The following CCDC134 variants were observed in gnomAD, a reference collection of about 807,000 sequenced individuals.
The protein encoded by CCDC134 is coiled-coil domain containing 134.
A neutral mutation model predicts 25.6 loss-of-function variants in CCDC134; 27 were observed. That is an observed-to-expected ratio of 1.05 (90% confidence interval 0.78 to 1.45). The LOEUF is 1.45. Ranked by LOEUF, CCDC134 falls within the 40% of genes most tolerant of loss-of-function variation. The pLI, the probability that CCDC134 is intolerant of heterozygous loss-of-function variation, is 0.00. For missense variants in CCDC134, 261 were observed against 286.7 expected (o/e 0.91, Z 0.65); for synonymous variants, 110 against 115.0 (o/e 0.96, Z 0.28).
intron 6 of CCDC134, among the ~76,000 whole-genome samples, chr22:41,820,070 A>C (rs2076643471): frequency 6.9e-6 from 1 of 144,786 alleles, no homozygotes; most frequent in Non-Finnish European, 1.5e-5. Context: ...ATCTTGGCTC[A>C]CTGCAAGCTC....
At position 41,809,897 on chromosome 22, in the gene CCDC134, T is replaced by C; in HGVS notation, c.122T>C (p.Val41Ala). Residue 41 changes from valine (V) to alanine (A), a missense_variant, in exon 3 of 7, where the codon GTG becomes GCG. Physicochemically the swap from Val to Ala is moderately conservative, Grantham distance 64. Transcript: ENST00000255784. ...TGCCCAGACAAGAAGATGTTTGAGG[T>C]GAAGCGGCGGGAGCAGCTGTTGGCA... ...SLEIYKKMFE[V>A]KRREQLLALK... 5.0e-6 allele frequency: 8 copies of C among 1,614,130 alleles called. No individual in the cohort carries two copies. The highest frequency in any genetic ancestry group is 6.8e-6 in the Non-Finnish European group (8 of 1,180,022).
intron 1 of CCDC134, among the ~76,000 whole-genome samples, chr22:41,803,155 G>A (rs113607280): frequency 2.0e-5 from 3 of 152,058 alleles, no homozygotes; most frequent in African/African-American, 4.8e-5. Flanking sequence ...GGGAGTGTGC[G>A]GGAGTCAGTT....
intron 1 of CCDC134, among the ~76,000 whole-genome samples, chr22:41,806,000 A>G (rs1472146201): frequency 6.6e-6 from 1 of 152,182 alleles, no homozygotes; most frequent in Non-Finnish European, 1.5e-5. Flanking sequence ...TAGAGATTTC[A>G]GGAATTCATC....
Position 41,825,734 on chromosome 22 carries a change from A to T in CCDC134, c.601A>T (p.Arg201Ter). 1 of 1,614,112 alleles carries T rather than the reference A, an allele frequency of 6.2e-7. No homozygotes were observed. The highest frequency in any genetic ancestry group is 1.1e-5 in the South Asian group (1 of 91,080). ...CACTGACCCTTTCCAGAAGGCCCTG[A>T]GAGAAGAAGAGAAACGCCGAAAGAA... ...PSTDPFQKAL[R>*]EEEKRRKKEE... The change falls in exon 7 of 7, where the codon AGA becomes TGA. Residue 201 changes from arginine (R) to a stop codon, truncating the protein, a stop_gained. Transcript: ENST00000255784. LOFTEE classifies it high-confidence loss of function. The surrounding 1 kb of genome is among the most constrained non-coding windows in gnomAD (Gnocchi z 4.4).
In CCDC134 at chr22:41,809,997, T is replaced by C; in HGVS notation, c.222T>C (p.Phe74=). 6.2e-7 allele frequency: 1 copy of C among 1,614,076 alleles called. No homozygotes were observed. Among genetic ancestry groups the C allele is most frequent in the East Asian group, 2.2e-5 (1 of 44,878 alleles). ...KILDVMLKGL[F]KVLEDSRTVL... is the part of the protein sequence containing the mutation. The stretch of plus-strand genomic sequence containing the variant: ...TTGATGTCATGCTCAAGGGGCTCTT[T>C]AAGGTGTGTGCAGGCAGGGGGCAGC... The change falls in exon 3 of 7, where the codon TTT becomes TTC. Residue 74 remains phenylalanine (F), a synonymous_variant. Coordinates refer to ENST00000255784, the MANE Select transcript of CCDC134 (RefSeq NM_024821.5).
chr22:41,812,568 T>G (rs1263677364), intron 4 of CCDC134, among the ~76,000 whole-genome samples: 3 of 151,760 alleles, frequency 2.0e-5, no homozygotes, highest in African/African-American at 7.3e-5. Flanking sequence ...AAGGCCGAGG[T>G]AGGAGGATCA....
At position 41,832,139 on chromosome 22, in the gene CCDC134, TAATA is replaced by T. The variant is rs1964127260; in HGVS notation, c.*6321_*6324del. Reference sequence around the variant, plus strand: ...ATATATTGTGAACGCCTTTTCTTGCTAATAAATATACATTTGTGTGCGTAATTTT... The same window carrying T: ...ATATATTGTGAACGCCTTTTCTTGCTAATATACATTTGTGTGCGTAATTTT... On this transcript the variant is annotated 3_prime_UTR_variant, in exon 7 of 7. Transcript: ENST00000255784. 6.6e-6 allele frequency: 1 copy of T among 152,270 alleles called. No homozygotes were observed. 9.4% of individuals were successfully genotyped at this position (152,270 alleles called of 1,614,324 possible). A position where few individuals can be genotyped will look rare whatever the true frequency, so the allele number is the denominator to read the frequency against.
intron 6 of CCDC134, among the ~76,000 whole-genome samples, chr22:41,816,132 G>C (rs1157094969): frequency 6.6e-6 from 1 of 152,122 alleles, no homozygotes; most frequent in South Asian, 2.1e-4. Context: ...TAAGTACAGG[G>C]GGCAATAGAT....
intron 6 of CCDC134, among the ~76,000 whole-genome samples, chr22:41,821,457 C>G (rs2076651266): frequency 6.6e-6 from 1 of 151,564 alleles, no homozygotes; most frequent in South Asian, 2.1e-4. Flanking sequence ...TCTCCTAATG[C>G]TATCCCTCCC....
chr22:41,823,209 C>A (rs2076660275), intron 6 of CCDC134, among the ~76,000 whole-genome samples: 2 of 150,758 alleles, frequency 1.3e-5, no homozygotes. Context: ...GGTCAAAAAA[C>A]CATTACCAGA....
chr22:41,801,972 A>G (rs2076545737), intron 1 of CCDC134, among the ~76,000 whole-genome samples: 1 of 152,200 alleles, frequency 6.6e-6, no homozygotes, highest in African/African-American at 2.4e-5. Flanking sequence ...ATGAATAGCA[A>G]GAGTGGTGCT....
intron 6 of CCDC134, among the ~76,000 whole-genome samples, chr22:41,815,396 G>A (rs1360834049): frequency 1.3e-5 from 2 of 151,486 alleles, no homozygotes; most frequent in Non-Finnish European, 2.9e-5. Flanking sequence ...TAGTAGAGAC[G>A]GGGTTTCACC....
At chr22:41,820,562 C>A (rs2076646681) in intron 6 of CCDC134, among the ~76,000 whole-genome samples, 1 of 152,214 alleles carries the variant, frequency 6.6e-6, no homozygotes, top group Non-Finnish European at 1.5e-5. Flanking sequence ...TTGATAGTGG[C>A]TTGAACCAGA....
intron 6 of CCDC134, among the ~76,000 whole-genome samples, chr22:41,818,924 G>T (rs1240104189): frequency 6.6e-6 from 1 of 152,222 alleles, no homozygotes; most frequent in African/African-American, 2.4e-5. Context: ...GGTCATAGAT[G>T]CCTCACTTAA....
At chr22:41,819,996 T>TATATAA (rs1019930583) in intron 6 of CCDC134, among the ~76,000 whole-genome samples, 6 of 132,366 alleles carry the variant, frequency 4.5e-5, no homozygotes, top group African/African-American at 1.8e-4. Context: ...TATATATATA[T>TATATAA]ATAATTTTTT....
chr22:41,808,911 G>C lies in CCDC134; in HGVS notation c.21G>C (p.Leu7=). 6.2e-7 allele frequency: 1 copy of C among 1,614,122 alleles called. No homozygotes were observed. The highest frequency in any genetic ancestry group is 8.5e-7 in the Non-Finnish European group (1 of 1,180,006). ...TGGATATGGACCTTCTTCAATTCCT[G>C]GCCTTCCTCTTTGTCCTGCTTTTGT... is the stretch of plus-strand genomic sequence containing the variant. MDLLQF[L]AFLFVLLLSG... The change falls in exon 2 of 7, where the codon CTG becomes CTC. Residue 7 remains leucine, a synonymous_variant. Coordinates refer to ENST00000255784, the MANE Select transcript of CCDC134 (RefSeq NM_024821.5).
rs1569355845 is a variant in CCDC134 at position 41,813,402 on chromosome 22, CA to C, written c.450del (p.Gly151AlafsTer14). On this transcript the variant is annotated frameshift_variant, in exon 5 of 7. Coordinates refer to ENST00000255784, the MANE Select transcript of CCDC134 (RefSeq NM_024821.5). LOFTEE classifies it high-confidence loss of function. ...IRWGISFCNQ[T>X]GVFNQGPHSP... Reference sequence around the variant, plus strand: ...TGGGGTATCAGTTTCTGCAACCAGACAGGCGTCTTCAACCAGGGGCCCCACT... The same window carrying C: ...TGGGGTATCAGTTTCTGCAACCAGACGGCGTCTTCAACCAGGGGCCCCACT... The C allele has an allele frequency of 2.5e-6, 4 of 1,614,230 alleles. No individual in the cohort carries two copies. The highest frequency in any genetic ancestry group is 3.4e-6 in the Non-Finnish European group (4 of 1,180,038).
rs751209911 is a variant in CCDC134 at position 41,808,981 on chromosome 22, A to T, written c.91A>T (p.Ser31Cys). Residue 31 changes from serine to cysteine, a missense_variant, in exon 2 of 7, where the codon AGC becomes TGC. By Grantham distance (112) the Ser-to-Cys change is moderately radical. Transcript: ENST00000255784. ...CACCTTGAGGACCTCCCTGGACCCA[A>T]GCCTGGAGATCTGTATCCTTTGGGG... Reference protein sequence around the residue: ...TGTLRTSLDPSLEIYKKMFEV... With the variant: ...TGTLRTSLDPCLEIYKKMFEV... The T allele has an allele frequency of 6.2e-7, 1 of 1,613,480 alleles. No homozygotes were observed. Among genetic ancestry groups the T allele is most frequent in the Admixed American group, 1.7e-5 (1 of 59,992 alleles).
At position 41,827,713 on chromosome 22, in the gene CCDC134, G is replaced by A. The variant is rs958362791; in HGVS notation, c.*1890G>A. Among the ~76,000 whole-genome samples the A allele has an allele frequency of 2.6e-5, 4 of 152,170 alleles. No individual in the cohort carries two copies. Among genetic ancestry groups the A allele is most frequent in the Non-Finnish European group, 4.4e-5 (3 of 68,034 alleles). On this transcript the variant is annotated 3_prime_UTR_variant, in exon 7 of 7. Coordinates refer to ENST00000255784, the MANE Select transcript of CCDC134 (RefSeq NM_024821.5). ...GGATATTCCCTGTTATAGCTGAAGC[G>A]TGAATTGGCCTTATGTTCCCTGCCT...
Sources: allele counts gnomAD v4.1 joint callset (sites outside exome capture counted in the v4.1 genomes callset), GRCh38; gene constraint gnomAD v4.1.1; non-coding constraint Gnocchi (gnomAD v3.1); transcripts MANE v1.5; gene names NCBI Gene and HGNC (gene_info 2026-07-23, HGNC 2026-07-21).